TBX18: variants seen among roughly 807,000 people sequenced by gnomAD.
The protein encoded by TBX18 is T-box transcription factor 18.
TBX18 carries 21 observed loss-of-function variants against 55.0 expected under a neutral mutation model. The ratio of observed to expected loss-of-function variants is 0.38; its 90% CI spans 0.27 to 0.55. The LOEUF is 0.55. Ranked by LOEUF, TBX18 falls within the 20% of genes least tolerant of loss-of-function variation. TBX18 has a pLI of 0.73. For synonymous variants in TBX18, 342 were observed against 326.1 expected, an observed-to-expected ratio of 1.05 and a Z score of -0.53; for missense variants, 840 against 799.6, an observed-to-expected ratio of 1.05 and a Z score of -0.61.
chr6:84,737,376 G>A lies in TBX18; in HGVS notation c.1133C>T (p.Thr378Ile). Residue 378 changes from threonine to isoleucine, a missense_variant, in exon 8 of 8, where the codon ACT (threonine) becomes ATT (isoleucine). By Grantham distance (89) the Thr-to-Ile change is moderately conservative. Coordinates refer to ENST00000369663, the MANE Select transcript of TBX18 (RefSeq NM_001080508.3). ...NASSSTLLQG[T>I]GNGVPATHPH... ...GTGAGTGGCAGGAACGCCATTCCCA[G>A]TACCTTGGAGCAAGGTGGAGGAACT... is the stretch of plus-strand genomic sequence containing the variant. 2 of 1,530,716 alleles carry A rather than the reference G, an allele frequency of 1.3e-6. No individual in the cohort carries two copies. The highest frequency in any genetic ancestry group is 1.8e-6 in the Non-Finnish European group (2 of 1,139,886). The allele number at this position is 1,530,716 out of a possible 1,614,324, so 94.8% of individuals were successfully genotyped here. A position where few individuals can be genotyped will look rare whatever the true frequency, so the allele number is the denominator to read the frequency against.
chr6:84,742,532 G>T (rs1767072166), intron 6 of TBX18: 1 of 151,888 alleles, frequency 6.6e-6, no homozygotes, highest in South Asian at 2.1e-4. Flanking sequence ...TTCTTGTAGA[G>T]GTTTCTTCAC....
At chr6:84,762,892 G>A (rs1018057421) in intron 1 of TBX18, 144 bp from the exon 2 acceptor site, 4 of 739,112 alleles carry the variant, frequency 5.4e-6, no homozygotes, top group Non-Finnish European at 9.0e-6. Context: ...TCCTCCTAAA[G>A]AACAAGCCAG....
In TBX18 at chr6:84,734,715, T is replaced by TA. The variant is rs1208811481; in HGVS notation, c.*1969_*1970insT. The TA allele has an allele frequency of 1.0e-4, 16 of 152,604 alleles. No individual in the cohort carries two copies. Among genetic ancestry groups the TA allele is most frequent in the African/African-American group, 3.9e-4 (16 of 41,448 alleles). 9.5% of individuals were successfully genotyped at this position (152,604 alleles called of 1,614,324 possible). On this transcript the variant is annotated 3_prime_UTR_variant, in exon 8 of 8. Transcript: ENST00000369663. The stretch of plus-strand genomic sequence containing the variant: ...AGGAAAATGCTCTTATTAATACATA[T>TA]GGGTATAGAGCATTACTTTCCATGT...
At position 84,737,157 on chromosome 6, in the gene TBX18, G is replaced by A. The variant is rs139711976; in HGVS notation, c.1352C>T (p.Pro451Leu). Reference sequence around the variant, plus strand: ...GCCCACATAGGAGGGAGTCCTGGGCGGGGCAAAGGTCTCACCAGCCTGGTT... The same window carrying A: ...GCCCACATAGGAGGGAGTCCTGGGCAGGGCAAAGGTCTCACCAGCCTGGTT... ...LTNQAGETFA[P>L]PRTPSYVGVS... is the part of the protein sequence containing the mutation. The change falls in exon 8 of 8, where the codon CCG becomes CTG. Residue 451 changes from proline (P) to leucine (L), a missense_variant. Pro to Leu is a moderately conservative substitution (Grantham distance 98, BLOSUM62 -3). Coordinates refer to ENST00000369663, the MANE Select transcript of TBX18 (RefSeq NM_001080508.3). The A allele has an allele frequency of 1.9e-5, 30 of 1,613,936 alleles. No homozygotes were observed. Among genetic ancestry groups the A allele is most frequent in the East Asian group, 4.5e-5 (2 of 44,880 alleles).
In TBX18 at chr6:84,736,596, C is replaced by G. The variant is rs1773949822; in HGVS notation, c.*89G>C. ...TTCTATTATATGTACATTTTATAAA[C>G]CACAGAGAGTTTCTTTCCACATAGC... is the stretch of plus-strand genomic sequence containing the variant. On this transcript the variant is annotated 3_prime_UTR_variant, in exon 8 of 8. Transcript: ENST00000369663. The G allele has an allele frequency of 4.3e-6, 6 of 1,406,226 alleles. No homozygotes were observed. Among genetic ancestry groups the G allele is most frequent in the Non-Finnish European group, 5.7e-6 (6 of 1,060,548 alleles). The allele number at this position is 1,406,226 out of a possible 1,614,324, so 87.1% of individuals were successfully genotyped here. A position where few individuals can be genotyped will look rare whatever the true frequency, so the allele number is the denominator to read the frequency against.
chr6:84,732,503 G>A lies in TBX18; in HGVS notation c.*4182C>T, dbSNP rs1287639586. 2 of 151,996 alleles carry A rather than the reference G, an allele frequency of 1.3e-5. No homozygotes were observed. The highest frequency in any genetic ancestry group is 6.6e-5 in the Admixed American group (1 of 15,260). 9.4% of individuals were successfully genotyped at this position (151,996 alleles called of 1,614,324 possible). On this transcript the variant is annotated 3_prime_UTR_variant, in exon 8 of 8. Coordinates refer to ENST00000369663, the MANE Select transcript of TBX18 (RefSeq NM_001080508.3). ...TTCAAAAAGACACAATTGTTTTCTC[G>A]AGGATTTAAATGTATTTTGAATGGA...
rs57846975 is a variant in TBX18 at position 84,745,860 on chromosome 6, C to T, written c.940-1535G>A. 9.1e-4 allele frequency among the ~76,000 whole-genome samples: 139 copies of T among 152,152 alleles called. 1 individual carries two copies. In the East Asian group the frequency reaches 0.011, roughly 12 times the overall value. ...TAAAATGTACACTGTGCTAAGTTTTCGGCATACTACTCATTTAATTACTAG... is the reference window on the plus strand; with the variant it reads ...TAAAATGTACACTGTGCTAAGTTTTTGGCATACTACTCATTTAATTACTAG... On this transcript the variant is annotated intron_variant, in intron 5 of 7. Transcript: ENST00000369663.
At chr6:84,749,555 A>G (rs1235538586) in intron 4 of TBX18, among the ~76,000 whole-genome samples, 5 of 151,064 alleles carry the variant, frequency 3.3e-5, no homozygotes, top group Admixed American at 3.3e-4. Context: ...GCACATGATC[A>G]TGCCAACCAG....
chr6:84,751,513 G>A, intron 4 of TBX18, among the ~76,000 whole-genome samples: 1 of 152,160 alleles, frequency 6.6e-6, no homozygotes, highest in East Asian at 1.9e-4. Flanking sequence ...GAATGTTTTA[G>A]GGATGGAGAA....
At chr6:84,756,596 C>T (rs1238996853) in intron 4 of TBX18, 102 bp downstream of exon 4, 4 of 1,117,290 alleles carry the variant, frequency 3.6e-6, no homozygotes, top group Middle Eastern at 3.0e-4. Context: ...ATCAATCAGG[C>T]AATGAACATT....
At chr6:84,743,015 T>A (rs1225014859) in intron 6 of TBX18, among the ~76,000 whole-genome samples, 1 of 152,142 alleles carries the variant, frequency 6.6e-6, no homozygotes, top group African/African-American at 2.4e-5. Context: ...AGACAAGCAA[T>A]TTTTTTCTCT....
In TBX18 at chr6:84,764,477, T is replaced by G. The variant is rs751421329; in HGVS notation, c.-296A>C. ...CACCTCCTCCTGCTGCTCCGAGGTC[T>G]GCCTCAACTGATGCGCCAGAGAGGA... On this transcript the variant is annotated 5_prime_UTR_variant, in exon 1 of 8. Transcript: ENST00000369663. The G allele has an allele frequency of 7.8e-6, 3 of 385,030 alleles. No individual in the cohort carries two copies. The highest frequency in any genetic ancestry group is 1.4e-5 in the Non-Finnish European group (3 of 217,624). The allele number at this position is 385,030 out of a possible 1,614,324, so 23.9% of individuals were successfully genotyped here. A position where few individuals can be genotyped will look rare whatever the true frequency, so the allele number is the denominator to read the frequency against.
Position 84,737,024 on chromosome 6 carries a change from C to T in TBX18, c.1485G>A (p.Gln495=), listed in dbSNP as rs778581277. The T allele has an allele frequency of 6.2e-7, 1 of 1,613,898 alleles. No individual in the cohort carries two copies. The highest frequency in any genetic ancestry group is 1.1e-5 in the South Asian group (1 of 91,036). Residue 495 remains glutamine (Q), a synonymous_variant, in exon 8 of 8, where the codon CAG becomes CAA. Transcript: ENST00000369663. The part of the protein sequence containing the change: ...LSMQISGMSP[Q]LQYIMPSPSS... ...AGGGTGATGGCATGATATACTGGAG[C>T]TGGGGGGACATTCCCGAAATCTGCA...
intron 4 of TBX18, among the ~76,000 whole-genome samples, chr6:84,756,072 A>G (rs542014871): frequency 6.6e-6 from 1 of 152,366 alleles, no homozygotes; most frequent in Admixed American, 6.5e-5. Context: ...TATTAAAATA[A>G]TAGTGTAGAA....
intron 4 of TBX18, among the ~76,000 whole-genome samples, chr6:84,755,497 T>A (rs530770629): frequency 6.6e-6 from 1 of 152,340 alleles, no homozygotes; most frequent in South Asian, 2.1e-4. Context: ...TTCACTGAAT[T>A]CCTGTGAAAA....
At chr6:84,758,566 T>A (rs1033404639) in intron 3 of TBX18, among the ~76,000 whole-genome samples, 1 of 152,118 alleles carries the variant, frequency 6.6e-6, no homozygotes, top group African/African-American at 2.4e-5. Context: ...ACTCAAACAT[T>A]AGAAAATAAG....
chr6:84,758,464 T>C (rs994338762), intron 3 of TBX18, among the ~76,000 whole-genome samples: 1 of 151,864 alleles, frequency 6.6e-6, no homozygotes, highest in African/African-American at 2.4e-5. Flanking sequence ...AGTGGTATGA[T>C]GTAATTTCAA....
chr6:84,753,867 A>G (rs1283512554), intron 4 of TBX18, among the ~76,000 whole-genome samples: 1 of 152,128 alleles, frequency 6.6e-6, no homozygotes, highest in African/African-American at 2.4e-5. Context: ...ATCTGTGTTC[A>G]TGGTTTCTTC....
At chr6:84,739,548 A>G (rs74719608) in intron 6 of TBX18, among the ~76,000 whole-genome samples, 1 of 152,062 alleles carries the variant, frequency 6.6e-6, no homozygotes, top group Non-Finnish European at 1.5e-5. Flanking sequence ...TCTTCCTTCA[A>G]CCACCTCAGC....
Sources: gnomAD v4.1 joint callset for allele counts (sites outside exome capture counted in the v4.1 genomes callset) on GRCh38, gnomAD v4.1.1 for gene constraint, MANE v1.5 for transcripts, NCBI Gene and HGNC (gene_info 2026-07-23, HGNC 2026-07-21) for gene names.